Variants in PIP4K2A observed in about 807,000 individuals in gnomAD.
PIP4K2A encodes phosphatidylinositol-5-phosphate 4-kinase type 2 alpha.
PIP4K2A carries 14 observed loss-of-function variants against 42.9 expected under a neutral mutation model. The ratio of observed to expected loss-of-function variants is 0.33; its 90% CI spans 0.22 to 0.51. The LOEUF is 0.51. Among genes scored for constraint, PIP4K2A ranks in the 20% least tolerant of loss-of-function variants. The pLI is 0.97. For synonymous variants in PIP4K2A, 192 were observed against 192.2 expected (o/e 1.00, Z 0.01); for missense variants, 434 against 519.8 (o/e 0.83, Z 1.61).
At chr10:22,600,013 G>GCCC (rs1260943043) in intron 3 of PIP4K2A, among the ~76,000 whole-genome samples, 2 of 152,174 alleles carry the variant, frequency 1.3e-5, no homozygotes, top group African/African-American at 4.8e-5. Context: ...GATTAGTGGA[G>GCCC]CCCCCAGAAG....
intron 1 of PIP4K2A, among the ~76,000 whole-genome samples, chr10:22,651,733 G>A (rs960504287): frequency 7.2e-5 from 11 of 152,228 alleles, no homozygotes; most frequent in African/African-American, 1.9e-4. Flanking sequence ...GCAAGGCCAC[G>A]ACTACTGAGG....
chr10:22,675,972 T>C (rs1839549447), intron 1 of PIP4K2A, among the ~76,000 whole-genome samples: 1 of 152,304 alleles, frequency 6.6e-6, no homozygotes, highest in East Asian at 1.9e-4. Context: ...TCAACAACCA[T>C]TAACAGGGAA....
At chr10:22,597,399 T>C (rs1294440525) in intron 3 of PIP4K2A, among the ~76,000 whole-genome samples, 1 of 152,216 alleles carries the variant, frequency 6.6e-6, no homozygotes, top group Non-Finnish European at 1.5e-5. Flanking sequence ...TTTCTGACCA[T>C]GTGGCACACT....
intron 1 of PIP4K2A, among the ~76,000 whole-genome samples, chr10:22,627,860 G>A (rs16922522): frequency 0.021 from 3,199 of 152,142 alleles, 96 homozygotes; most frequent in African/African-American, 0.069. Flanking sequence ...TGTCACAACA[G>A]GATAAAACAC....
intron 3 of PIP4K2A, among the ~76,000 whole-genome samples, chr10:22,595,772 T>C (rs1336031213): frequency 1.3e-5 from 2 of 152,300 alleles, no homozygotes; most frequent in East Asian, 3.9e-4. Context: ...GTCTGAGATC[T>C]AGAACATTCA....
At chr10:22,641,426 T>C (rs1838781272) in intron 1 of PIP4K2A, among the ~76,000 whole-genome samples, 1 of 152,154 alleles carries the variant, frequency 6.6e-6, no homozygotes. Context: ...ACTTAACATA[T>C]ACCTGATCAT....
At chr10:22,672,627 T>G (rs1254666202) in intron 1 of PIP4K2A, among the ~76,000 whole-genome samples, 2 of 152,172 alleles carry the variant, frequency 1.3e-5, no homozygotes, top group Admixed American at 6.5e-5. Flanking sequence ...AATGAATATT[T>G]ACGTCCAGAG....
At chr10:22,705,135 G>A (rs1271928965) in intron 1 of PIP4K2A, among the ~76,000 whole-genome samples, 2 of 152,026 alleles carry the variant, frequency 1.3e-5, no homozygotes, top group African/African-American at 4.8e-5. Context: ...TGAAGTTCAA[G>A]GAGAAGTGAA....
intron 3 of PIP4K2A, among the ~76,000 whole-genome samples, chr10:22,604,679 T>G (rs1172584023): frequency 1.3e-5 from 2 of 152,172 alleles, no homozygotes; most frequent in Non-Finnish European, 2.9e-5. Context: ...TTGGTTTTTT[T>G]CCGATATACG....
chr10:22,708,263 C>G (rs558426171), intron 1 of PIP4K2A, among the ~76,000 whole-genome samples: 13 of 152,350 alleles, frequency 8.5e-5, no homozygotes, highest in Admixed American at 7.8e-4. Context: ...CCATGACTTT[C>G]AAGCACTTGG....
intron 1 of PIP4K2A, among the ~76,000 whole-genome samples, chr10:22,706,619 G>A (rs562033461): frequency 2.6e-5 from 4 of 152,118 alleles, no homozygotes; most frequent in Non-Finnish European, 2.9e-5. Flanking sequence ...TGCACAATTT[G>A]AGAGCAAGGT....
intron 1 of PIP4K2A, among the ~76,000 whole-genome samples, chr10:22,667,364 T>A (rs1171972235): frequency 7.1e-6 from 1 of 140,106 alleles, no homozygotes. Context: ...TCTTGAAATA[T>A]TACATAATTT....
intron 5 of PIP4K2A, among the ~76,000 whole-genome samples, chr10:22,571,239 G>A (rs1025000688): frequency 6.6e-6 from 1 of 152,178 alleles, no homozygotes; most frequent in Admixed American, 6.5e-5. Context: ...CTGGGCATGT[G>A]ACTGATGTTT....
At chr10:22,567,917 T>C (rs764875172) in intron 5 of PIP4K2A, 28 bp from the exon 6 acceptor site, 2 of 1,606,964 alleles carry the variant, frequency 1.2e-6, no homozygotes, top group Admixed American at 3.3e-5. Context: ...AATAAAAACA[T>C]GCGCATGGGA....
chr10:22,627,185 C>G (rs7902016), intron 1 of PIP4K2A, among the ~76,000 whole-genome samples: 21,625 of 152,190 alleles, frequency 0.14, 1,838 homozygotes, highest in African/African-American at 0.23. Context: ...TCTCCATATG[C>G]TATGAACATG....
intron 5 of PIP4K2A, chr10:22,568,964 A>G (rs1278284169): frequency 1.4e-6 from 2 of 1,404,884 alleles, no homozygotes; most frequent in African/African-American, 2.8e-5. Flanking sequence ...ATGAAAAGAC[A>G]TCTATTGCCC....
chr10:22,699,132 G>T (rs573829485), intron 1 of PIP4K2A, among the ~76,000 whole-genome samples: 3 of 152,092 alleles, frequency 2.0e-5, no homozygotes, highest in East Asian at 1.9e-4. Context: ...CTACTTTGGC[G>T]CAACGTGCCA....
At chr10:22,635,169 G>A (rs1003408569) in intron 1 of PIP4K2A, among the ~76,000 whole-genome samples, 2 of 152,082 alleles carry the variant, frequency 1.3e-5, no homozygotes. Context: ...ATAATGGTGG[G>A]TATGTATCAT....
chr10:22,565,261 A>G (rs1564423011), intron 6 of PIP4K2A, among the ~76,000 whole-genome samples: 2 of 152,146 alleles, frequency 1.3e-5, no homozygotes, highest in Non-Finnish European at 2.9e-5. Context: ...TGCCTACTGG[A>G]TATCTCTGTT....
Sources: gnomAD v4.1 joint callset for allele counts (sites outside exome capture counted in the v4.1 genomes callset) on GRCh38, gnomAD v4.1.1 for gene constraint, MANE v1.5 for transcripts, NCBI Gene and HGNC (gene_info 2026-07-23, HGNC 2026-07-21) for gene names.